MGAT4C: variants seen among roughly 807,000 people sequenced by gnomAD.
MGAT4C encodes MGAT4 family member C.
Under a neutral mutation model 40.1 loss-of-function variants are expected in MGAT4C, and 19 were observed. The observed-to-expected ratio is 0.47, with a 90% CI of 0.33 to 0.70. MGAT4C has a LOEUF of 0.70. MGAT4C is among the 30% of genes least tolerant of loss of function. The probability of loss-of-function intolerance (pLI) is 0.02; values close to 1 mark genes in which losing one functional copy is unlikely to be tolerated. For missense variants in MGAT4C, 491 were observed against 563.2 expected (o/e 0.87, Z 1.30); for synonymous variants, 181 against 187.1 (o/e 0.97, Z 0.27).
chr12:86,527,432 C>T (rs1343190395), intron 2 of MGAT4C, among the ~76,000 whole-genome samples: 1 of 152,034 alleles, frequency 6.6e-6, no homozygotes, highest in Non-Finnish European at 1.5e-5. Context: ...TAATGTAATG[C>T]CTACAGCTTT....
intron 1 of MGAT4C, among the ~76,000 whole-genome samples, chr12:86,838,024 CA>C (rs994162764): frequency 9.9e-5 from 15 of 152,092 alleles, no homozygotes; most frequent in African/African-American, 3.6e-4. Context: ...ACTAACAGAA[CA>C]AAGTTAAATA....
intron 4 of MGAT4C, among the ~76,000 whole-genome samples, chr12:86,302,825 G>A (rs1173721435): frequency 6.6e-6 from 1 of 150,614 alleles, no homozygotes; most frequent in Non-Finnish European, 1.5e-5. Flanking sequence ...GAGACTGCCA[G>A]TCGACCAATG....
Position 86,296,145 on chromosome 12 carries a change from G to C in MGAT4C, c.-57+37920C>G, listed in dbSNP as rs949448088. On this transcript the variant is annotated intron_variant, in intron 4 of 7. Transcript: ENST00000548651. ...TTGAGCTAAATACAGGGTGCTGACT[G>C]GTTTGTTTACAATCCCTGAGCTAGA... Among the ~76,000 whole-genome samples, 3 of 142,960 alleles carry C rather than the reference G, an allele frequency of 2.1e-5. No individual in the cohort carries two copies. The East Asian group carries it at 6.4e-4, about 31-fold the overall frequency. The allele number at this position is 142,960 out of a possible 152,430, so 93.8% of individuals were successfully genotyped here.
intron 2 of MGAT4C, among the ~76,000 whole-genome samples, chr12:85,994,422 G>A (rs963176759): frequency 1.3e-5 from 2 of 152,052 alleles, no homozygotes; most frequent in African/African-American, 2.4e-5. Context: ...CAGCAGAATA[G>A]GCTGAGAAGC....
chr12:86,113,129 G>A (rs1877748712), intron 1 of MGAT4C, among the ~76,000 whole-genome samples: 1 of 151,646 alleles, frequency 6.6e-6, no homozygotes, highest in Non-Finnish European at 1.5e-5. Context: ...TGATTAACAG[G>A]AACAAAATTG....
At chr12:86,665,246 T>C (rs1199789704) in intron 2 of MGAT4C, among the ~76,000 whole-genome samples, 1 of 152,114 alleles carries the variant, frequency 6.6e-6, no homozygotes, top group East Asian at 1.9e-4. Flanking sequence ...CCAAGTGAGG[T>C]GGAAAACATT....
chr12:86,387,427 G>A (rs185123220), intron 3 of MGAT4C, among the ~76,000 whole-genome samples: 1 of 151,920 alleles, frequency 6.6e-6, no homozygotes, highest in African/African-American at 2.4e-5. Flanking sequence ...TATCAATCTA[G>A]AATTGAAAAC....
chr12:86,338,612 A>G (rs1379731271), intron 3 of MGAT4C, among the ~76,000 whole-genome samples: 1 of 152,152 alleles, frequency 6.6e-6, no homozygotes, highest in African/African-American at 2.4e-5. Flanking sequence ...GACAGCTTGG[A>G]GGTTAGTAGA....
chr12:86,015,649 A>G (rs1889017158), intron 2 of MGAT4C: 1 of 152,228 alleles, frequency 6.6e-6, no homozygotes, highest in Admixed American at 6.5e-5. Flanking sequence ...AGAAATCCTT[A>G]GCAGCTTCAT....
At chr12:86,052,085 A>C (rs1350315348) in intron 1 of MGAT4C, among the ~76,000 whole-genome samples, 1 of 151,776 alleles carries the variant, frequency 6.6e-6, no homozygotes, top group Non-Finnish European at 1.5e-5. Flanking sequence ...ATGTTCCTAA[A>C]TATATGTAAT....
chr12:86,575,687 T>C (rs748683917), intron 2 of MGAT4C, among the ~76,000 whole-genome samples: 1 of 151,908 alleles, frequency 6.6e-6, no homozygotes, highest in Non-Finnish European at 1.5e-5. Flanking sequence ...AGGTATCTCA[T>C]TGATATGCTG....
intron 1 of MGAT4C, among the ~76,000 whole-genome samples, chr12:86,165,502 C>A (rs904864496): frequency 6.6e-6 from 1 of 152,068 alleles, no homozygotes; most frequent in African/African-American, 2.4e-5. Context: ...TCCATTTGTT[C>A]ATATGTTCAC....
At chr12:86,522,706 A>T (rs1031303360) in intron 2 of MGAT4C, among the ~76,000 whole-genome samples, 2 of 152,062 alleles carry the variant, frequency 1.3e-5, no homozygotes, top group Non-Finnish European at 2.9e-5. Context: ...GGTAAAATTC[A>T]GTAGTGAATC....
At chr12:86,641,554 A>G (rs1963387943) in intron 2 of MGAT4C, among the ~76,000 whole-genome samples, 1 of 151,740 alleles carries the variant, frequency 6.6e-6, no homozygotes, top group Non-Finnish European at 1.5e-5. Flanking sequence ...TAAAAATAAA[A>G]GAATTCTAAG....
At chr12:86,550,873 A>T (rs968375251) in intron 2 of MGAT4C, among the ~76,000 whole-genome samples, 4 of 152,208 alleles carry the variant, frequency 2.6e-5, no homozygotes, top group Admixed American at 2.6e-4. Context: ...GGCCTGACAA[A>T]TAGCCCTACA....
chr12:86,689,190 G>A (rs995621854), intron 2 of MGAT4C, among the ~76,000 whole-genome samples: 3 of 152,068 alleles, frequency 2.0e-5, no homozygotes, highest in South Asian at 2.1e-4. Flanking sequence ...TCTCAGCTCC[G>A]TCAAGTCATT....
chr12:86,422,123 G>T (rs1956839419), intron 3 of MGAT4C, among the ~76,000 whole-genome samples: 1 of 152,084 alleles, frequency 6.6e-6, no homozygotes, highest in Non-Finnish European at 1.5e-5. Flanking sequence ...AATCAAGGGG[G>T]ACCCACAACT....
At chr12:86,737,116 C>T (rs1357569456) in intron 1 of MGAT4C, among the ~76,000 whole-genome samples, 1 of 150,904 alleles carries the variant, frequency 6.6e-6, no homozygotes, top group Non-Finnish European at 1.5e-5. Context: ...TAAAGTAAAA[C>T]TCATTGAAAT....
At chr12:86,293,998 C>T (rs1346389972) in intron 4 of MGAT4C, among the ~76,000 whole-genome samples, 3 of 152,092 alleles carry the variant, frequency 2.0e-5, no homozygotes, top group African/African-American at 7.2e-5. Flanking sequence ...GATTCTTTTG[C>T]TCTAACTCCT....
Sources: allele counts gnomAD v4.1 joint callset (sites outside exome capture counted in the v4.1 genomes callset), GRCh38; gene constraint gnomAD v4.1.1; transcripts MANE v1.5; gene names NCBI Gene and HGNC (gene_info 2026-07-23, HGNC 2026-07-21).